The following SEC14L6 variants were observed in gnomAD, a reference collection of about 807,000 sequenced individuals.
The protein encoded by SEC14L6 is SEC14-like protein 6.
A neutral mutation model predicts 54.1 loss-of-function variants in SEC14L6; 40 were observed. That is an observed-to-expected ratio of 0.74 (90% CI 0.57 to 0.96). SEC14L6 has a LOEUF of 0.96. Among genes scored for constraint, SEC14L6 ranks in the 40% least tolerant of loss-of-function variants. SEC14L6 has a pLI of 0.00. For synonymous variants in SEC14L6, 171 were observed against 198.4 expected, an observed-to-expected ratio of 0.86 and a Z score of 1.16; for missense variants, 471 against 498.3, an observed-to-expected ratio of 0.95 and a Z score of 0.52.
chr22:30,526,866 C>T (rs959800689), intron 8 of SEC14L6, among the ~76,000 whole-genome samples: 1 of 152,102 alleles, frequency 6.6e-6, no homozygotes, highest in Non-Finnish European at 1.5e-5. Context: ...GAGGCCCAGG[C>T]AGGAGGACTG....
At position 30,525,680 on chromosome 22, in the gene SEC14L6, G is replaced by T; in HGVS notation, c.842C>A (p.Thr281Lys). 6.2e-7 allele frequency: 1 copy of T among 1,613,262 alleles called. No individual in the cohort carries two copies. The highest frequency in any genetic ancestry group is 1.1e-5 in the South Asian group (1 of 90,952). Reference protein sequence around the residue: ...CKQVRLQYEHTRSVGRGSSLQ... With the variant: ...CKQVRLQYEHKRSVGRGSSLQ... ...GGAGGAGCCGCGGCCCACGGACCTCGTGTGCTCATACTGCAGCCTCACCTG... is the reference window on the plus strand; with the variant it reads ...GGAGGAGCCGCGGCCCACGGACCTCTTGTGCTCATACTGCAGCCTCACCTG... Residue 281 changes from threonine to lysine, a missense_variant, in exon 10 of 12, where the codon ACG becomes AAG. By Grantham distance (78) the Thr-to-Lys change is moderately conservative. Coordinates refer to ENST00000402034, the MANE Select transcript of SEC14L6 (RefSeq NM_001193336.4).
chr22:30,543,418 C>T, intron 1 of SEC14L6: 2 of 1,606,674 alleles, frequency 1.2e-6, no homozygotes, highest in African/African-American at 2.7e-5. Context: ...CCAGAGACTA[C>T]AGTTGACCTG....
chr22:30,534,433 A>G (rs908754907), intron 2 of SEC14L6, among the ~76,000 whole-genome samples: 12 of 150,956 alleles, frequency 7.9e-5, no homozygotes, highest in African/African-American at 2.9e-4. Flanking sequence ...TTTTTTTGAG[A>G]AGGAGTCTCC....
At position 30,525,509 on chromosome 22, in the gene SEC14L6, C is replaced by A; in HGVS notation, c.922G>T (p.Ala308Ser). The A allele has an allele frequency of 6.2e-7, 1 of 1,614,106 alleles. No individual in the cohort carries two copies. Among genetic ancestry groups the A allele is most frequent in the Non-Finnish European group, 8.5e-7 (1 of 1,179,962 alleles). ...AAGCCAATGTCCCCACCATCTGAAG[C>A]AAACTGCCACCTGCAGTGGATAGAG... is the stretch of plus-strand genomic sequence containing the variant. ...FPGCVLRWQF[A>S]SDGGDIGFGV... The change falls in exon 11 of 12, where the codon GCT becomes TCT. Residue 308 changes from alanine (A) to serine (S), a missense_variant. Coordinates refer to ENST00000402034, the MANE Select transcript of SEC14L6 (RefSeq NM_001193336.4).
chr22:30,537,091 T>C (rs1032779055), intron 2 of SEC14L6, among the ~76,000 whole-genome samples: 4 of 150,278 alleles, frequency 2.7e-5, no homozygotes, highest in African/African-American at 9.8e-5. Context: ...ACAGAATAAG[T>C]GCTCAAAATA....
chr22:30,539,400 T>A (rs2085657862), intron 1 of SEC14L6, among the ~76,000 whole-genome samples: 1 of 152,112 alleles, frequency 6.6e-6, no homozygotes, highest in Non-Finnish European at 1.5e-5. Context: ...CCTACTACAC[T>A]AAACATCAGA....
intron 2 of SEC14L6, among the ~76,000 whole-genome samples, chr22:30,534,724 TA>T (rs1427679778): frequency 1.3e-5 from 2 of 151,924 alleles, no homozygotes; most frequent in African/African-American, 2.4e-5. Flanking sequence ...TAATACTCTT[TA>T]AAAAAATCAC....
At position 30,525,395 on chromosome 22, in the gene SEC14L6, T is replaced by G. The variant is rs547797736; in HGVS notation, c.1036A>C (p.Met346Leu). 1 of 1,614,170 alleles carries G rather than the reference T, an allele frequency of 6.2e-7. No individual in the cohort carries two copies. The highest frequency in any genetic ancestry group is 8.5e-7 in the Non-Finnish European group (1 of 1,180,018). Reference sequence around the variant, plus strand: ...GTGAGAATCCCATCTTCAGGCACCATGTGGGCATTGTAGCGCTGGCTGGGC... The same window carrying G: ...GTGAGAATCCCATCTTCAGGCACCAGGTGGGCATTGTAGCGCTGGCTGGGC... ...VLPSQRYNAHMVPEDGILTCL... is the reference protein window; with the variant it reads ...VLPSQRYNAHLVPEDGILTCL... Residue 346 changes from methionine to leucine, a missense_variant, in exon 11 of 12, where the codon ATG (methionine) becomes CTG (leucine). Coordinates refer to ENST00000402034, the MANE Select transcript of SEC14L6 (RefSeq NM_001193336.4).
intron 6 of SEC14L6, 60 bp from the exon 7 acceptor site, chr22:30,529,409 T>A: frequency 1.5e-6 from 2 of 1,368,934 alleles, no homozygotes; most frequent in Non-Finnish European, 2.0e-6. Flanking sequence ...GCATCCCCTC[T>A]CGCCCCACCC....
chr22:30,525,904 G>T lies in SEC14L6; in HGVS notation c.693C>A (p.Phe231Leu). Residue 231 changes from phenylalanine to leucine, a missense_variant, in exon 9 of 12, where the codon TTC becomes TTA. Coordinates refer to ENST00000402034, the MANE Select transcript of SEC14L6 (RefSeq NM_001193336.4). ...GDNWKQELTK[F>L]ISPDQLPVEF... ...CCACGGGCAGCTGGTCGGGGCTGAT[G>T]AATTTTGTCAGCTCCTGCTTCCAGT... 1 of 1,612,288 alleles carries T rather than the reference G, an allele frequency of 6.2e-7. No individual in the cohort carries two copies. The highest frequency in any genetic ancestry group is 2.2e-5 in the East Asian group (1 of 44,868).
chr22:30,532,063 G>T, intron 5 of SEC14L6, 65 bp from the exon 6 acceptor site: 1 of 1,524,328 alleles, frequency 6.6e-7, no homozygotes, highest in Non-Finnish European at 8.8e-7. Context: ...CCAAGATGGG[G>T]CTGGGCCTAA....
At chr22:30,534,105 A>T in intron 2 of SEC14L6, 66 bp from the exon 3 acceptor site, 1 of 1,478,022 alleles carries the variant, frequency 6.8e-7, no homozygotes, top group East Asian at 2.5e-5. Flanking sequence ...CTGGAGAGAC[A>T]ACGGCCCTGC....
At position 30,531,972 on chromosome 22, in the gene SEC14L6, T is replaced by C. The variant is rs1366077042; in HGVS notation, c.450A>G (p.Ile150Met). 6.4e-7 allele frequency: 1 copy of C among 1,550,820 alleles called. No homozygotes were observed. Among genetic ancestry groups the C allele is most frequent in the African/African-American group, 1.4e-5 (1 of 73,174 alleles). ...CCAGCCCTTCGAGACCAAAAATAGC[T>C]ATGATTTTCTCCACCCTCTTCCCCA... ...QKLGKRVEKI[I>M]AIFGLEGLGL... Residue 150 changes from isoleucine to methionine, a missense_variant, in exon 6 of 12, where the codon ATA becomes ATG. Coordinates refer to ENST00000402034, the MANE Select transcript of SEC14L6 (RefSeq NM_001193336.4).
In SEC14L6 at chr22:30,525,721, G is replaced by T; in HGVS notation, c.801C>A (p.Ser267Arg). 1 of 1,613,988 alleles carries T rather than the reference G, an allele frequency of 6.2e-7. No homozygotes were observed. The highest frequency in any genetic ancestry group is 8.5e-7 in the Non-Finnish European group (1 of 1,179,964). Residue 267 changes from serine to arginine, a missense_variant, in exon 10 of 12, where the codon AGC becomes AGA. Coordinates refer to ENST00000402034, the MANE Select transcript of SEC14L6 (RefSeq NM_001193336.4). ...KINYGGEVPKSYYLCKQVRLQ... is the reference protein window; with the variant it reads ...KINYGGEVPKRYYLCKQVRLQ... ...GCCTCACCTGCTTGCACAGGTAGTA[G>T]CTCTTGGGCACCTCACCCCCGTAGT...
At position 30,526,792 on chromosome 22, in the gene SEC14L6, T is replaced by C. The variant is rs184261568; in HGVS notation, c.665-860A>G. ...TAGGCAAACTATGAACTGGCCAAAA[T>C]GCCACAAATATGACAGGAAAGGGCC... On this transcript the variant is annotated intron_variant, in intron 8 of 11. Transcript: ENST00000402034. Among the ~76,000 whole-genome samples the C allele has an allele frequency of 3.9e-3, 593 of 152,196 alleles. 2 individuals carry two copies. Among genetic ancestry groups the C allele is most frequent in the Middle Eastern group, 0.01 (3 of 294 alleles).
rs183840901 is a variant in SEC14L6, at chr22:30,525,863, A to T, written c.734T>A (p.Met245Lys). The T allele has an allele frequency of 7.6e-5, 122 of 1,613,704 alleles. No individual in the cohort carries two copies. The African/African-American group carries it at 1.5e-3, about 19-fold the overall frequency. ...CTTGGGGTTGCCATCGGGGTCAGTC[A>T]TGGTCCCCCCAAACTCCACGGGCAG... is the stretch of plus-strand genomic sequence containing the variant. ...DQLPVEFGGT[M>K]TDPDGNPKCL... The change falls in exon 9 of 12, where the codon ATG (methionine) becomes AAG (lysine). Residue 245 changes from methionine (M) to lysine (K), a missense_variant. Physicochemically the swap from Met to Lys is moderately conservative, Grantham distance 95. Transcript: ENST00000402034.
At chr22:30,533,714 T>C (rs565529047) in intron 3 of SEC14L6, among the ~76,000 whole-genome samples, 1 of 152,328 alleles carries the variant, frequency 6.6e-6, no homozygotes, top group African/African-American at 2.4e-5. Flanking sequence ...ATGTCCCTGC[T>C]GAAATGTCCC....
At chr22:30,543,165 C>A in intron 1 of SEC14L6, 1 of 1,603,848 alleles carries the variant, frequency 6.2e-7, no homozygotes, top group Admixed American at 1.7e-5. Flanking sequence ...CCAACGTGGA[C>A]CCCGCAAGAG....
At chr22:30,534,828 C>A (rs1937094581) in intron 2 of SEC14L6, among the ~76,000 whole-genome samples, 1 of 151,998 alleles carries the variant, frequency 6.6e-6, no homozygotes, top group Admixed American at 6.6e-5. Flanking sequence ...AGTTCGAGAC[C>A]AGCCTGGACA....
Sources: allele counts gnomAD v4.1 joint callset (sites outside exome capture counted in the v4.1 genomes callset), GRCh38; gene constraint gnomAD v4.1.1; transcripts MANE v1.5; gene names NCBI Gene and HGNC (gene_info 2026-07-23, HGNC 2026-07-21).